ARHGEF12: variants seen among roughly 807,000 people sequenced by gnomAD.
ARHGEF12 encodes the protein Rho guanine nucleotide exchange factor 12, also known as KMT2A/ARHGEF12 fusion protein.
ARHGEF12 carries 66 observed loss-of-function variants against 211.2 expected under a neutral mutation model. That is an observed-to-expected ratio of 0.31 (90% CI 0.26 to 0.38). The LOEUF (loss-of-function observed/expected upper bound fraction) is 0.38. Ranked by LOEUF, ARHGEF12 falls within the 10% of genes least tolerant of loss-of-function variation. ARHGEF12 has a pLI of 1.00. For synonymous variants in ARHGEF12, 592 were observed against 638.4 expected, an observed-to-expected ratio of 0.93 and a Z score of 1.09; for missense variants, 1,429 against 1,869.5, an observed-to-expected ratio of 0.76 and a Z score of 4.34.
intron 4 of ARHGEF12, among the ~76,000 whole-genome samples, chr11:120,414,928 A>G (rs1944986747): frequency 1.3e-5 from 2 of 152,120 alleles, no homozygotes; most frequent in South Asian, 4.1e-4. Flanking sequence ...AACTTTTTAT[A>G]CCAGTCTCAC....
intron 4 of ARHGEF12, among the ~76,000 whole-genome samples, chr11:120,416,945 C>T (rs535658288): frequency 3.3e-5 from 5 of 152,164 alleles, no homozygotes; most frequent in Non-Finnish European, 7.3e-5. Flanking sequence ...TCTTAAGGAT[C>T]ATTTGCATTA....
chr11:120,485,879 T>G lies in ARHGEF12; in HGVS notation c.*802T>G, dbSNP rs555496601. On this transcript the variant is annotated 3_prime_UTR_variant, in exon 41 of 41. Coordinates refer to ENST00000397843, the MANE Select transcript of ARHGEF12 (RefSeq NM_015313.3). ...GGTGTGTTTTCTTCCATTGTCGTCT[T>G]TTCTATTGAGGGTTGGGATTTGGGT... 4.3e-6 allele frequency: 1 copy of G among 233,558 alleles called. No homozygotes were observed. Among genetic ancestry groups the G allele is most frequent in the South Asian group, 1.8e-4 (1 of 5,524 alleles). 14.5% of individuals were successfully genotyped at this position (233,558 alleles called of 1,614,324 possible). A position where few individuals can be genotyped will look rare whatever the true frequency, so the allele number is the denominator to read the frequency against.
chr11:120,404,452 T>C (rs1361842929), intron 1 of ARHGEF12, among the ~76,000 whole-genome samples: 1 of 152,218 alleles, frequency 6.6e-6, no homozygotes, highest in Non-Finnish European at 1.5e-5. Context: ...ATGATTTTAA[T>C]ATTATTTGAG....
intron 1 of ARHGEF12, among the ~76,000 whole-genome samples, chr11:120,376,610 G>T (rs183611477): frequency 6.6e-6 from 1 of 152,006 alleles, no homozygotes; most frequent in African/African-American, 2.4e-5. Context: ...GGTAAATGGG[G>T]TATCTATTAC....
chr11:120,450,487 G>A (rs1394524379), intron 21 of ARHGEF12: 1 of 151,232 alleles, frequency 6.6e-6, no homozygotes, highest in Non-Finnish European at 1.5e-5. Flanking sequence ...AGTGCCTCTT[G>A]TTGAGAAACA....
intron 14 of ARHGEF12, 105 bp from the exon 15 acceptor site, chr11:120,441,999 T>C (rs1208446006): frequency 3.5e-6 from 3 of 868,762 alleles, no homozygotes; most frequent in Non-Finnish European, 5.3e-6. Flanking sequence ...CTACATTGTT[T>C]ATGGTGACCT....
At chr11:120,373,065 TA>T (rs1182428767) in intron 1 of ARHGEF12, among the ~76,000 whole-genome samples, 3 of 152,182 alleles carry the variant, frequency 2.0e-5, no homozygotes, top group Non-Finnish European at 2.9e-5. Context: ...AACAATGCTT[TA>T]AAATAACCAT....
At chr11:120,458,601 A>G (rs564046787) in intron 25 of ARHGEF12, 2 of 227,492 alleles carry the variant, frequency 8.8e-6, no homozygotes, top group South Asian at 1.3e-4. Flanking sequence ...ACGTGTAAGG[A>G]AAAAAATTCA....
chr11:120,467,991 T>G (rs1202508392), intron 29 of ARHGEF12, among the ~76,000 whole-genome samples: 1 of 152,216 alleles, frequency 6.6e-6, no homozygotes, highest in African/African-American at 2.4e-5. Flanking sequence ...AGTGTAAAAT[T>G]ATCTGGTTCA....
intron 1 of ARHGEF12, among the ~76,000 whole-genome samples, chr11:120,368,249 C>A (rs59095290): frequency 1.3e-5 from 2 of 152,114 alleles, no homozygotes; most frequent in African/African-American, 4.8e-5. Flanking sequence ...TATATCATGA[C>A]TACTGACTAA....
At chr11:120,387,632 T>C (rs2120431) in intron 1 of ARHGEF12, among the ~76,000 whole-genome samples, 4,764 of 152,168 alleles carry the variant, frequency 0.031, 249 homozygotes, top group African/African-American at 0.11. Context: ...TTGCTGGAAT[T>C]CCCCCATACA....
At chr11:120,353,291 A>C (rs1943042262) in intron 1 of ARHGEF12, among the ~76,000 whole-genome samples, 1 of 152,210 alleles carries the variant, frequency 6.6e-6, no homozygotes, top group Admixed American at 6.5e-5. Flanking sequence ...TGTGCCCGGT[A>C]TTATACCATT....
Position 120,458,138 on chromosome 11 carries a change from T to G in ARHGEF12, c.2284T>G (p.Leu762Val). The change falls in exon 25 of 41, where the codon TTA (leucine) becomes GTA (valine). Residue 762 changes from leucine (L) to valine (V), a missense_variant. Coordinates refer to ENST00000397843, the MANE Select transcript of ARHGEF12 (RefSeq NM_015313.3). ...QSEDEQFENDLETDPPNWQQL... is the reference protein window; with the variant it reads ...QSEDEQFENDVETDPPNWQQL... ...TGAGGATGAACAATTTGAAAATGAC[T>G]TAGAGACAGATCCACCCAACTGGCA... The G allele has an allele frequency of 1.9e-6, 3 of 1,611,842 alleles. No individual in the cohort carries two copies. The highest frequency in any genetic ancestry group is 2.5e-6 in the Non-Finnish European group (3 of 1,179,510).
At chr11:120,400,032 C>G (rs1944512400) in intron 1 of ARHGEF12, among the ~76,000 whole-genome samples, 1 of 152,120 alleles carries the variant, frequency 6.6e-6, no homozygotes, top group South Asian at 2.1e-4. Context: ...CTAAGACTTT[C>G]TACTTTTTCA....
At chr11:120,426,432 G>C (rs1204880016) in intron 7 of ARHGEF12, among the ~76,000 whole-genome samples, 1 of 152,144 alleles carries the variant, frequency 6.6e-6, no homozygotes, top group Non-Finnish European at 1.5e-5. Context: ...CATCACATCT[G>C]TAAAGCCTGG....
intron 28 of ARHGEF12, 112 bp from the exon 29 acceptor site, chr11:120,467,082 A>G: frequency 1.6e-6 from 1 of 642,874 alleles, no homozygotes; most frequent in South Asian, 2.2e-5. Context: ...TTTTTTAAAG[A>G]TCTTGATTTA....
chr11:120,426,788 T>A (rs1945357034), intron 7 of ARHGEF12, among the ~76,000 whole-genome samples: 1 of 152,192 alleles, frequency 6.6e-6, no homozygotes, highest in African/African-American at 2.4e-5. Context: ...AAGTGTGAAA[T>A]ACATTTAAAA....
chr11:120,362,403 T>C (rs182864966), intron 1 of ARHGEF12, among the ~76,000 whole-genome samples: 84 of 152,364 alleles, frequency 5.5e-4, no homozygotes, highest in African/African-American at 1.9e-3. Context: ...AGTTAAATGC[T>C]TGTGTCTCAT....
At chr11:120,337,603 G>C in intron 1 of ARHGEF12, 1 of 985,372 alleles carries the variant, frequency 1.0e-6, no homozygotes, top group Non-Finnish European at 1.2e-6. Context: ...GGTGAAGGTC[G>C]GTGCCTGAAG....
Sources: allele counts gnomAD v4.1 joint callset (sites outside exome capture counted in the v4.1 genomes callset), GRCh38; gene constraint gnomAD v4.1.1; transcripts MANE v1.5; gene names NCBI Gene and HGNC (gene_info 2026-07-23, HGNC 2026-07-21).